The following SDK1 variants were observed in gnomAD, a reference collection of about 807,000 sequenced individuals.
SDK1 encodes the protein protein sidekick-1.
In SDK1, 157 loss-of-function variants were observed where a neutral mutation model predicts 245.5. That is an observed-to-expected ratio of 0.64 (90% confidence interval 0.56 to 0.73). SDK1 has a LOEUF of 0.73. Ranked by LOEUF, SDK1 falls within the 30% of genes least tolerant of loss-of-function variation. SDK1 has a pLI of 0.00. For missense variants in SDK1, 3,583 were observed against 3,002.3 expected (o/e 1.19, Z -4.52); for synonymous variants, 1,647 against 1,278.5 (o/e 1.29, Z -6.15).
chr7:4,107,541 T>C lies in SDK1; in HGVS notation c.3325-3122T>C, dbSNP rs62438177. Among the ~76,000 whole-genome samples, 498 of 152,244 alleles carry C rather than the reference T, an allele frequency of 3.3e-3. 2 individuals are homozygous for C. The highest frequency in any genetic ancestry group is 6.8e-3 in the Middle Eastern group (2 of 294). On this transcript the variant is annotated intron_variant, in intron 22 of 44. Transcript: ENST00000404826. ...ATTCTCCATGAAATCGCCCAGTGCTTTGGTTTAACACCCAGAGGACTGGTT... is the reference window on the plus strand; with the variant it reads ...ATTCTCCATGAAATCGCCCAGTGCTCTGGTTTAACACCCAGAGGACTGGTT...
intron 1 of SDK1, among the ~76,000 whole-genome samples, chr7:3,465,758 A>G (rs1207435448): frequency 6.6e-6 from 1 of 152,074 alleles, no homozygotes; most frequent in East Asian, 1.9e-4. Context: ...AGTTGAGACC[A>G]CTGTGTTGGT....
chr7:3,677,803 G>T (rs1562650429), intron 4 of SDK1, among the ~76,000 whole-genome samples: 1 of 152,214 alleles, frequency 6.6e-6, no homozygotes, highest in Non-Finnish European at 1.5e-5. Flanking sequence ...TAGACACATA[G>T]TTCAGTGGAT....
chr7:3,440,226 T>G lies in SDK1; in HGVS notation c.298+138342T>G, dbSNP rs573392394. ...TGTATTCCAGAGAACAAAGGAAGGA[T>G]GGAGCTTTTATAGAGCATCTTTCTG... On this transcript the variant is annotated intron_variant, in intron 1 of 44. Transcript: ENST00000404826. 2.0e-5 allele frequency among the ~76,000 whole-genome samples: 3 copies of G among 152,330 alleles called. No individual in the cohort carries two copies. In the South Asian group the frequency reaches 6.2e-4, roughly 32 times the overall value.
intron 19 of SDK1, among the ~76,000 whole-genome samples, chr7:4,065,967 C>T (rs1378812561): frequency 6.6e-6 from 1 of 152,020 alleles, no homozygotes; most frequent in Admixed American, 6.6e-5. Flanking sequence ...GAAAGACTTG[C>T]ATTTTTTATT....
chr7:3,530,443 A>C (rs1166381276), intron 1 of SDK1, among the ~76,000 whole-genome samples: 2 of 152,194 alleles, frequency 1.3e-5, no homozygotes, highest in Non-Finnish European at 2.9e-5. Flanking sequence ...TGTCTTTTGT[A>C]ATGTTATTAA....
Position 4,125,582 on chromosome 7 carries a change from G to C in SDK1, c.3824-1799G>C, listed in dbSNP as rs144169445. Among the ~76,000 whole-genome samples the C allele has an allele frequency of 8.3e-4, 126 of 152,298 alleles. 2 individuals carry two copies. Among genetic ancestry groups the C allele is most frequent in the African/African-American group, 2.9e-3 (121 of 41,564 alleles). ...AAGAGCAGAGGAAGTCCTCGCAAGTGTTCCTGCTACAGAGGTGCATGTGTG... is the reference window on the plus strand; with the variant it reads ...AAGAGCAGAGGAAGTCCTCGCAAGTCTTCCTGCTACAGAGGTGCATGTGTG... On this transcript the variant is annotated intron_variant, in intron 25 of 44. Coordinates refer to ENST00000404826, the MANE Select transcript of SDK1 (RefSeq NM_152744.4).
chr7:3,331,779 G>A (rs1421942956), intron 1 of SDK1, among the ~76,000 whole-genome samples: 2 of 151,898 alleles, frequency 1.3e-5, no homozygotes, highest in African/African-American at 4.8e-5. Flanking sequence ...CTTATTCCTT[G>A]AAGATAATCT....
intron 2 of SDK1, among the ~76,000 whole-genome samples, chr7:3,623,936 A>T (rs1295221743): frequency 6.6e-6 from 1 of 152,212 alleles, no homozygotes; most frequent in Non-Finnish European, 1.5e-5. Context: ...TTCCAGGGAA[A>T]ATAAGAATGG....
chr7:4,092,701 A>G (rs1554337807), intron 22 of SDK1, among the ~76,000 whole-genome samples: 1 of 152,162 alleles, frequency 6.6e-6, no homozygotes, highest in Non-Finnish European at 1.5e-5. Flanking sequence ...CATAGAAGCC[A>G]GGGAGGTGAT....
At chr7:3,842,086 A>G (rs1780172144) in intron 5 of SDK1, among the ~76,000 whole-genome samples, 1 of 152,202 alleles carries the variant, frequency 6.6e-6, no homozygotes, top group Non-Finnish European at 1.5e-5. Flanking sequence ...TAACTCACAG[A>G]TGGGTCAGAA....
Position 3,866,256 on chromosome 7 carries a change from A to G in SDK1, c.847+44673A>G, listed in dbSNP as rs528878637. Among the ~76,000 whole-genome samples the G allele has an allele frequency of 3.9e-5, 6 of 152,286 alleles. No individual in the cohort carries two copies. In the East Asian group the frequency reaches 1.2e-3, roughly 29 times the overall value. On this transcript the variant is annotated intron_variant, in intron 5 of 44. Coordinates refer to ENST00000404826, the MANE Select transcript of SDK1 (RefSeq NM_152744.4). Reference sequence around the variant, plus strand: ...TTACTTCAATAAATACTGATTGTGCATCTCTCACTGGAGAGGCCCCATTCC... The same window carrying G: ...TTACTTCAATAAATACTGATTGTGCGTCTCTCACTGGAGAGGCCCCATTCC...
intron 16 of SDK1, among the ~76,000 whole-genome samples, chr7:4,015,911 T>G (rs974119799): frequency 5.9e-5 from 9 of 152,338 alleles, no homozygotes; most frequent in African/African-American, 1.7e-4. Context: ...GGGAGAATGC[T>G]CTCGGAAACT....
At chr7:3,675,422 G>C (rs1783862164) in intron 4 of SDK1, among the ~76,000 whole-genome samples, 1 of 152,134 alleles carries the variant, frequency 6.6e-6, no homozygotes, top group African/African-American at 2.4e-5. Flanking sequence ...TAGAATGTAA[G>C]TTAGATCATG....
intron 1 of SDK1, among the ~76,000 whole-genome samples, chr7:3,517,260 G>T (rs1175564788): frequency 3.9e-5 from 6 of 152,124 alleles, no homozygotes; most frequent in East Asian, 3.8e-4. Flanking sequence ...AAAAATTTCA[G>T]TTATTCCCTA....
chr7:4,015,314 A>G (rs1030032337), intron 16 of SDK1, among the ~76,000 whole-genome samples: 1 of 152,198 alleles, frequency 6.6e-6, no homozygotes, highest in Admixed American at 6.5e-5. Context: ...CGTTGGGTCC[A>G]CATGAGGAAT....
intron 10 of SDK1, among the ~76,000 whole-genome samples, chr7:3,968,392 T>C (rs564499104): frequency 6.6e-6 from 1 of 152,328 alleles, no homozygotes; most frequent in Admixed American, 6.5e-5. Context: ...TGCTGGGCTG[T>C]ATCGGGCTGA....
At chr7:4,117,542 G>T (rs1486989217) in intron 25 of SDK1, among the ~76,000 whole-genome samples, 1 of 152,204 alleles carries the variant, frequency 6.6e-6, no homozygotes, top group Non-Finnish European at 1.5e-5. Context: ...GGTGTCAGAG[G>T]CATAACAGGA....
At chr7:4,015,882 G>T (rs1311684190) in intron 16 of SDK1, among the ~76,000 whole-genome samples, 1 of 152,168 alleles carries the variant, frequency 6.6e-6, no homozygotes, top group East Asian at 1.9e-4. Context: ...AGTGTACATG[G>T]TCGGCGGCAA....
At chr7:3,464,078 A>C (rs1278196087) in intron 1 of SDK1, among the ~76,000 whole-genome samples, 1 of 152,194 alleles carries the variant, frequency 6.6e-6, no homozygotes, top group East Asian at 1.9e-4. Flanking sequence ...CTGTGACTTA[A>C]CCAATTGTAA....
Sources: allele counts gnomAD v4.1 joint callset (sites outside exome capture counted in the v4.1 genomes callset), GRCh38; gene constraint gnomAD v4.1.1; transcripts MANE v1.5; gene names NCBI Gene and HGNC (gene_info 2026-07-23, HGNC 2026-07-21).